The following AGBL1 variants were observed in gnomAD, a reference collection of about 807,000 sequenced individuals.
The protein encoded by AGBL1 is AGBL carboxypeptidase 1.
AGBL1 carries 130 observed loss-of-function variants against 118.9 expected under a neutral mutation model. The observed-to-expected ratio is 1.09, with a 90% CI of 0.95 to 1.26. The LOEUF (loss-of-function observed/expected upper bound fraction) is 1.26, where lower values mean the gene tolerates loss of function less well. Ranked by LOEUF, AGBL1 falls within the 50% of genes most tolerant of loss-of-function variation. The pLI is 0.00. For synonymous variants in AGBL1, 555 were observed against 478.9 expected (o/e 1.16, Z -2.08); for missense variants, 1,584 against 1,298.1 (o/e 1.22, Z -3.38).
At chr15:86,221,442 G>C (rs188469471) in intron 5 of AGBL1, among the ~76,000 whole-genome samples, 15 of 152,298 alleles carry the variant, frequency 9.8e-5, no homozygotes, top group African/African-American at 3.6e-4. Context: ...TGTGGGCTTA[G>C]CAGTTGGTTG....
chr15:86,807,797 C>T (rs2078738729), intron 22 of AGBL1, among the ~76,000 whole-genome samples: 2 of 152,066 alleles, frequency 1.3e-5, no homozygotes, highest in South Asian at 4.1e-4. Flanking sequence ...AAAACAAATC[C>T]TGACTTGTAG....
At chr15:86,988,392 A>G (rs151256230) in intron 24 of AGBL1, 55 of 210,340 alleles carry the variant, frequency 2.6e-4, no homozygotes, top group African/African-American at 1.2e-3. Flanking sequence ...TTTTGTTAGT[A>G]AATATACACC....
At chr15:86,939,708 T>C (rs982494406) in intron 23 of AGBL1, 3 of 152,118 alleles carry the variant, frequency 2.0e-5, no homozygotes, top group Non-Finnish European at 4.4e-5. Flanking sequence ...CTTATGTGAG[T>C]TTGGGTAAGC....
intron 18 of AGBL1, among the ~76,000 whole-genome samples, chr15:86,403,186 G>T (rs1039275584): frequency 1.3e-5 from 2 of 152,108 alleles, no homozygotes; most frequent in Non-Finnish European, 2.9e-5. Context: ...AGTCAAGCAT[G>T]ATTCCCAATC....
chr15:86,789,617 G>A (rs954150619), intron 22 of AGBL1, among the ~76,000 whole-genome samples: 7 of 152,052 alleles, frequency 4.6e-5, no homozygotes, highest in Middle Eastern at 3.2e-3. Flanking sequence ...ATCCAGCCCC[G>A]GCCAACCTGG....
At chr15:86,843,939 T>A (rs2079283241) in intron 22 of AGBL1, among the ~76,000 whole-genome samples, 1 of 152,184 alleles carries the variant, frequency 6.6e-6, no homozygotes, top group East Asian at 1.9e-4. Flanking sequence ...ATCTTTACTT[T>A]CTTACAGATT....
At chr15:86,983,854 A>G (rs947554164) in intron 23 of AGBL1, among the ~76,000 whole-genome samples, 3 of 152,210 alleles carry the variant, frequency 2.0e-5, no homozygotes, top group African/African-American at 7.2e-5. Flanking sequence ...AGATTTATCC[A>G]TGTTGTTGTG....
chr15:86,256,789 CT>C lies in AGBL1; in HGVS notation c.736-63del. On this transcript the variant is annotated intron_variant, in intron 7 of 22. Transcript: ENST00000614907. ...GTTACAGCTTGGAGAGTGTTATTAG[CT>C]GTGTTACAGCTAGGGGACTGTGCCC... 8 of 1,545,644 alleles carry C rather than the reference CT, an allele frequency of 5.2e-6. No individual in the cohort carries two copies. In the Admixed American group the frequency reaches 1.4e-4, roughly 27 times the overall value.
intron 23 of AGBL1, among the ~76,000 whole-genome samples, chr15:86,958,387 A>G (rs1039615680): frequency 1.2e-4 from 19 of 152,230 alleles, no homozygotes; most frequent in African/African-American, 3.8e-4. Flanking sequence ...ATTGAGAACC[A>G]CAGAGTTAAA....
chr15:86,788,314 C>T (rs1182931972), intron 22 of AGBL1, among the ~76,000 whole-genome samples: 1 of 152,176 alleles, frequency 6.6e-6, no homozygotes, highest in Non-Finnish European at 1.5e-5. Flanking sequence ...TCCTAGTAAA[C>T]ACATACTATA....
intron 22 of AGBL1, among the ~76,000 whole-genome samples, chr15:86,813,392 T>G (rs1303788657): frequency 6.6e-6 from 1 of 152,220 alleles, no homozygotes; most frequent in Non-Finnish European, 1.5e-5. Flanking sequence ...ATAACATTTC[T>G]GAGCCAGAAG....
intron 12 of AGBL1, among the ~76,000 whole-genome samples, 158 bp from the exon 13 acceptor site, chr15:86,266,832 C>T (rs1015561546): frequency 5.9e-5 from 9 of 152,094 alleles, no homozygotes; most frequent in African/African-American, 9.7e-5. Context: ...ACCTGGGAGG[C>T]GGAGGTTGCA....
intron 22 of AGBL1, among the ~76,000 whole-genome samples, chr15:86,898,304 C>T (rs532116574): frequency 6.6e-6 from 1 of 151,888 alleles, no homozygotes; most frequent in East Asian, 1.9e-4. Flanking sequence ...GGTATTATTG[C>T]CTAGGTTGTC....
intron 24 of AGBL1, among the ~76,000 whole-genome samples, chr15:86,996,874 C>CA (rs2081385213): frequency 6.6e-6 from 1 of 151,984 alleles, no homozygotes; most frequent in Admixed American, 6.6e-5. Context: ...AAAACAATGA[C>CA]AAAACTTGTG....
chr15:86,618,586 T>C (rs1282779595), intron 21 of AGBL1, among the ~76,000 whole-genome samples: 1 of 152,204 alleles, frequency 6.6e-6, no homozygotes, highest in African/African-American at 2.4e-5. Context: ...TGGAATTTTG[T>C]TAGTGCTATG....
intron 5 of AGBL1, among the ~76,000 whole-genome samples, chr15:86,208,778 A>C (rs1186209588): frequency 6.6e-6 from 1 of 151,972 alleles, no homozygotes; most frequent in Admixed American, 6.6e-5. Flanking sequence ...CAGCTCCTGG[A>C]TTCATTGATT....
chr15:86,923,772 T>C (rs892321429), intron 23 of AGBL1, among the ~76,000 whole-genome samples: 21 of 152,180 alleles, frequency 1.4e-4, no homozygotes, highest in African/African-American at 4.3e-4. Context: ...CCTATAAAAC[T>C]TCATGTTAAA....
rs571926685 is a variant in AGBL1 at position 86,594,159 on chromosome 15, C to A, written c.2994+39622C>A. ...AGGCTGGCCTCAAGTGATCCTCCCA[C>A]CTAGGCCTCCCAAAGTTCTAGGATT... On this transcript the variant is annotated intron_variant, in intron 21 of 22. Transcript: ENST00000614907. Among the ~76,000 whole-genome samples, 6 of 152,248 alleles carry A rather than the reference C, an allele frequency of 3.9e-5. No individual in the cohort carries two copies. The East Asian group carries it at 9.7e-4, about 25-fold the overall frequency.
At chr15:86,600,448 G>T (rs2084475946) in intron 21 of AGBL1, among the ~76,000 whole-genome samples, 1 of 152,088 alleles carries the variant, frequency 6.6e-6, no homozygotes, top group South Asian at 2.1e-4. Flanking sequence ...CTTGCAAAAG[G>T]ACTATACGGG....
Sources: gnomAD v4.1 joint callset for allele counts (sites outside exome capture counted in the v4.1 genomes callset) on GRCh38, gnomAD v4.1.1 for gene constraint, MANE v1.5 for transcripts, NCBI Gene and HGNC (gene_info 2026-07-23, HGNC 2026-07-21) for gene names.